Variants in PDE12 observed in about 807,000 individuals in gnomAD.
PDE12 encodes 2',5'-phosphodiesterase 12.
PDE12 carries 26 observed loss-of-function variants against 45.4 expected under a neutral mutation model. The ratio of observed to expected loss-of-function variants is 0.57; its 90% confidence interval spans 0.42 to 0.79. The LOEUF (loss-of-function observed/expected upper bound fraction) is 0.79, where lower values mean the gene tolerates loss of function less well. PDE12 is among the 30% of genes least tolerant of loss of function. The probability of loss-of-function intolerance (pLI) is 0.00; values close to 1 mark genes in which losing one functional copy is unlikely to be tolerated. For missense variants in PDE12, 668 were observed against 790.0 expected, an observed-to-expected ratio of 0.85 and a Z score of 1.85; for synonymous variants, 283 against 323.9, an observed-to-expected ratio of 0.87 and a Z score of 1.36.
At chr3:57,585,723 T>G in the PDE12 span, among the ~76,000 whole-genome samples, 4 of 147,968 alleles carry the variant, frequency 2.7e-5, no homozygotes. Flanking sequence ...AGTGCAATGG[T>G]GCAATATCAG....
At chr3:57,604,081 G>A in the PDE12 span, among the ~76,000 whole-genome samples, 1 of 151,654 alleles carries the variant, frequency 6.6e-6, no homozygotes, top group Admixed American at 6.6e-5. Context: ...CTGCCACCAC[G>A]CCTGGCTAAT....
chr3:57,620,521 AAAG>A, the PDE12 span, among the ~76,000 whole-genome samples: 1 of 152,200 alleles, frequency 6.6e-6, no homozygotes, highest in Admixed American at 6.5e-5. Flanking sequence ...TCCAGATTGG[AAAG>A]AAGAAGTAAA....
chr3:57,559,582 C>G lies in PDE12; in HGVS notation c.1408C>G (p.Gln470Glu). The stretch of plus-strand genomic sequence containing the variant: ...CATAGGTGGGTATATTCGCCTCATT[C>G]AAATGGCAGTAGCCTTGGCTCACAT... ...HPKGGYIRLI[Q>E]MAVALAHIRH... is the part of the protein sequence containing the mutation. Residue 470 changes from glutamine to glutamate, a missense_variant, in exon 3 of 3, where the codon CAA becomes GAA. By Grantham distance (29) the Gln-to-Glu change is conservative (BLOSUM62 2). Transcript: ENST00000311180. 1 of 1,607,168 alleles carries G rather than the reference C, an allele frequency of 6.2e-7. No homozygotes were observed. Among genetic ancestry groups the G allele is most frequent in the South Asian group, 1.1e-5 (1 of 90,592 alleles).
the PDE12 span, among the ~76,000 whole-genome samples, chr3:57,603,168 A>G: frequency 6.7e-6 from 1 of 150,078 alleles, no homozygotes; most frequent in Non-Finnish European, 1.5e-5. Context: ...CTCCGTCTCA[A>G]AAAAAAAAAG....
At chr3:57,605,881 GAT>G in the PDE12 span, among the ~76,000 whole-genome samples, 1 of 152,082 alleles carries the variant, frequency 6.6e-6, no homozygotes, top group African/African-American at 2.4e-5. Flanking sequence ...ATTAACAGTA[GAT>G]TAAACTACAC....
chr3:57,622,052 T>C, the PDE12 span, among the ~76,000 whole-genome samples: 4 of 152,180 alleles, frequency 2.6e-5, no homozygotes, highest in Non-Finnish European at 5.9e-5. Context: ...GGCGGGTGTC[T>C]GTAATCCTAG....
the PDE12 span, among the ~76,000 whole-genome samples, chr3:57,585,425 T>G: frequency 6.6e-6 from 1 of 152,142 alleles, no homozygotes; most frequent in African/African-American, 2.4e-5. Context: ...TTACCCCTGC[T>G]TAAATCCATT....
chr3:57,638,642 G>C, the PDE12 span, among the ~76,000 whole-genome samples: 3 of 151,902 alleles, frequency 2.0e-5, no homozygotes, highest in African/African-American at 7.3e-5. Flanking sequence ...AGGCAACAGG[G>C]TGAGACTCCG....
chr3:57,589,284 T>G, the PDE12 span, among the ~76,000 whole-genome samples: 1 of 150,872 alleles, frequency 6.6e-6, no homozygotes. Flanking sequence ...AAACAAAAAT[T>G]AGGCAGGGTG....
At chr3:57,614,523 G>GTTTTTTTTGTTTTGT in the PDE12 span, among the ~76,000 whole-genome samples, 16 of 132,022 alleles carry the variant, frequency 1.2e-4, no homozygotes, top group East Asian at 4.5e-4. Context: ...CCTGTAATCC[G>GTTTTTTTTGTTTTGT]TTTTTTTTTT....
the PDE12 span, chr3:57,597,185 G>T: frequency 1.1e-5 from 17 of 1,568,322 alleles, no homozygotes; most frequent in Non-Finnish European, 1.5e-5. Flanking sequence ...AGGGGTTTGG[G>T]GCGACCCCGT....
chr3:57,590,401 G>T, the PDE12 span, among the ~76,000 whole-genome samples: 8 of 151,860 alleles, frequency 5.3e-5, no homozygotes, highest in Admixed American at 1.3e-4. Flanking sequence ...CAGGAGAATC[G>T]CTTGAACCCG....
At chr3:57,567,256 G>A (rs991276577), downstream of PDE12, among the ~76,000 whole-genome samples, 2 of 151,716 alleles carry the variant, frequency 1.3e-5, no homozygotes, top group African/African-American at 4.8e-5. Flanking sequence ...AGGTTGCAGT[G>A]AGCTGAGATC....
the PDE12 span, among the ~76,000 whole-genome samples, chr3:57,643,091 T>C: frequency 3.3e-5 from 5 of 150,486 alleles, no homozygotes; most frequent in African/African-American, 1.2e-4. Context: ...GAAAAGCAAA[T>C]TTGGATATGC....
the PDE12 span, among the ~76,000 whole-genome samples, chr3:57,651,016 T>C: frequency 6.6e-5 from 10 of 152,106 alleles, no homozygotes; most frequent in Admixed American, 6.5e-4. Flanking sequence ...ACTCCCGATC[T>C]CAGATGATCT....
Position 57,563,875 on chromosome 3 carries a change from G to C in PDE12, c.*3871G>C, listed in dbSNP as rs2069753228. 1 of 152,224 alleles carries C rather than the reference G, an allele frequency of 6.6e-6. No homozygotes were observed. The highest frequency in any genetic ancestry group is 2.1e-4 in the South Asian group (1 of 4,828). The allele number at this position is 152,224 out of a possible 1,614,324, so 9.4% of individuals were successfully genotyped here. A position where few individuals can be genotyped will look rare whatever the true frequency, so the allele number is the denominator to read the frequency against. On this transcript the variant is annotated 3_prime_UTR_variant, in exon 3 of 3. Coordinates refer to ENST00000311180, the MANE Select transcript of PDE12 (RefSeq NM_177966.7). ...CACTCCAGCCTGGGTAATAGAGCAA[G>C]ACCCTGTCTTCAAAAAACCACTCTA...
the PDE12 span, among the ~76,000 whole-genome samples, chr3:57,645,348 C>G: frequency 2.7e-4 from 41 of 152,082 alleles, no homozygotes; most frequent in Non-Finnish European, 5.9e-4. Flanking sequence ...GTAATCCCAG[C>G]TACTCAGGAG....
At chr3:57,623,696 CACTT>C in the PDE12 span, among the ~76,000 whole-genome samples, 1 of 152,038 alleles carries the variant, frequency 6.6e-6, no homozygotes, top group African/African-American at 2.4e-5. Context: ...TAAAATCACT[CACTT>C]AATAAGAAGT....
chr3:57,619,961 C>T, the PDE12 span, among the ~76,000 whole-genome samples: 2 of 152,172 alleles, frequency 1.3e-5, no homozygotes, highest in South Asian at 2.1e-4. Context: ...TGGTGGCTCA[C>T]GCCTGTAATC....
Sources: gnomAD v4.1 joint callset for allele counts (sites outside exome capture counted in the v4.1 genomes callset) on GRCh38, gnomAD v4.1.1 for gene constraint, MANE v1.5 for transcripts, NCBI Gene and HGNC (gene_info 2026-07-23, HGNC 2026-07-21) for gene names.